The following TCEANC2 variants were observed in gnomAD, a reference collection of about 807,000 sequenced individuals.
TCEANC2 encodes the protein transcription elongation factor A N-terminal and central domain containing 2.
In TCEANC2, 20 loss-of-function variants were observed where a neutral mutation model predicts 22.8. The ratio of observed to expected loss-of-function variants is 0.88; its 90% CI spans 0.62 to 1.28. The LOEUF (loss-of-function observed/expected upper bound fraction) is 1.28, where lower values mean the gene tolerates loss of function less well. Ranked by LOEUF, TCEANC2 falls within the 50% of genes most tolerant of loss-of-function variation. The pLI is 0.00. For missense variants in TCEANC2, 251 were observed against 249.7 expected, an observed-to-expected ratio of 1.01 and a Z score of -0.03; for synonymous variants, 84 against 95.5, an observed-to-expected ratio of 0.88 and a Z score of 0.70.
chr1:54,065,155 A>G (rs764180804), intron 2 of TCEANC2, among the ~76,000 whole-genome samples: 4 of 152,342 alleles, frequency 2.6e-5, no homozygotes, highest in Middle Eastern at 3.4e-3. Flanking sequence ...GAGAAGAAGA[A>G]AAACAGAACT....
chr1:54,073,331 C>T (rs1354349699), intron 3 of TCEANC2, among the ~76,000 whole-genome samples: 1 of 152,212 alleles, frequency 6.6e-6, no homozygotes, highest in Non-Finnish European at 1.5e-5. Context: ...AGGGGATTAA[C>T]TTCTTTTGTT....
At chr1:54,080,206 C>T (rs1399556433) in intron 3 of TCEANC2, among the ~76,000 whole-genome samples, 1 of 148,990 alleles carries the variant, frequency 6.7e-6, no homozygotes, top group Non-Finnish European at 1.5e-5. Flanking sequence ...TCCGGTGGTG[C>T]GATCTTGGCG....
At position 54,066,106 on chromosome 1, in the gene TCEANC2, G is replaced by A. The variant is rs537661267; in HGVS notation, c.103-2650G>A. 5.3e-5 allele frequency among the ~76,000 whole-genome samples: 8 copies of A among 152,118 alleles called. No homozygotes were observed. The South Asian group carries it at 1.7e-3, about 32-fold the overall frequency. On this transcript the variant is annotated intron_variant, in intron 2 of 4. Coordinates refer to ENST00000234827, the MANE Select transcript of TCEANC2 (RefSeq NM_153035.3). ...TCAGAAACAACAACAACAAAAATTA[G>A]CCAGGCGTGGTGGCATGCGCCTGTA...
chr1:54,078,579 A>AGG (rs1158921866), intron 3 of TCEANC2, among the ~76,000 whole-genome samples: 1 of 152,184 alleles, frequency 6.6e-6, no homozygotes, highest in Non-Finnish European at 1.5e-5. Context: ...TAATGTCCCT[A>AGG]GAGTTTTGTT....
At chr1:54,095,574 A>AG (rs1366612769) in intron 4 of TCEANC2, among the ~76,000 whole-genome samples, 2 of 152,230 alleles carry the variant, frequency 1.3e-5, no homozygotes, top group Non-Finnish European at 1.5e-5. Context: ...GGCCTGAGCC[A>AG]GACCACCCCA....
intron 2 of TCEANC2, among the ~76,000 whole-genome samples, chr1:54,066,031 C>T (rs1014358967): frequency 1.3e-5 from 2 of 148,706 alleles, no homozygotes; most frequent in African/African-American, 2.5e-5. Context: ...TGCAGTGAGC[C>T]GAGATTGTGC....
In TCEANC2 at chr1:54,097,766, A is replaced by T. The variant is rs1176702765; in HGVS notation, c.*1293A>T. On this transcript the variant is annotated 3_prime_UTR_variant, in exon 5 of 5. Transcript: ENST00000234827. ...AGCATCCATTCTGTGGGGTAGGTGT[A>T]TACTGAGCAGTAGTTACAAATGGGA... 5 of 152,172 alleles carry T rather than the reference A, an allele frequency of 3.3e-5. No homozygotes were observed. The highest frequency in any genetic ancestry group is 1.2e-4 in the African/African-American group (5 of 41,406). 9.4% of individuals were successfully genotyped at this position (152,172 alleles called of 1,614,324 possible).
chr1:54,106,420 T>C (rs1297416408), downstream of TCEANC2, among the ~76,000 whole-genome samples: 1 of 152,204 alleles, frequency 6.6e-6, no homozygotes, highest in Non-Finnish European at 1.5e-5. Context: ...ATTTTAATAA[T>C]ATATTTTGAG....
At chr1:54,062,351 C>T (rs573121718) in intron 2 of TCEANC2, among the ~76,000 whole-genome samples, 35 of 152,174 alleles carry the variant, frequency 2.3e-4, no homozygotes, top group Admixed American at 2.2e-3. Context: ...ATTTTCTGGC[C>T]CATAGTTAGA....
downstream of TCEANC2, among the ~76,000 whole-genome samples, chr1:54,107,572 G>T (rs572539208): frequency 2.6e-5 from 4 of 152,124 alleles, no homozygotes; most frequent in South Asian, 6.2e-4. Flanking sequence ...AATTTGGAAG[G>T]CTTCTTTAAG....
At position 54,097,533 on chromosome 1, in the gene TCEANC2, T is replaced by C. The variant is rs1323106700; in HGVS notation, c.*1060T>C. The stretch of plus-strand genomic sequence containing the variant: ...AAAATCCAAAAAAAAGGAAGATGAG[T>C]TGAAAAGCAAGGGGAGAAGGGACGG... On this transcript the variant is annotated 3_prime_UTR_variant, in exon 5 of 5. Transcript: ENST00000234827. 1.3e-5 allele frequency: 2 copies of C among 152,036 alleles called. No individual in the cohort carries two copies. The allele number at this position is 152,036 out of a possible 1,614,324, so 9.4% of individuals were successfully genotyped here.
Position 54,096,301 on chromosome 1 carries a change from T to A in TCEANC2, c.455T>A (p.Val152Asp). ...GTTTTTTAGATGGATCACCTACTGG[T>A]TGAAAATATTGAACGGGAAACGTTT... ...ALELKMDHLL[V>D]ENIERETFHL... is the part of the protein sequence containing the mutation. The change falls in exon 5 of 5, where the codon GTT (valine) becomes GAT (aspartate). Residue 152 changes from valine to aspartate, a missense_variant. Coordinates refer to ENST00000234827, the MANE Select transcript of TCEANC2 (RefSeq NM_153035.3). The surrounding 1 kb of genome is among the most constrained non-coding windows in gnomAD (Gnocchi z 4.9). 6.3e-7 allele frequency: 1 copy of A among 1,596,634 alleles called. No homozygotes were observed. Among genetic ancestry groups the A allele is most frequent in the Non-Finnish European group, 8.6e-7 (1 of 1,165,376 alleles).
chr1:54,086,444 G>A (rs1370349608), intron 3 of TCEANC2, among the ~76,000 whole-genome samples: 1 of 152,224 alleles, frequency 6.6e-6, no homozygotes, highest in African/African-American at 2.4e-5. Context: ...ACCCTTAAAT[G>A]AGTCTTAAAG....
At chr1:54,054,968 T>C (rs940141227) in intron 2 of TCEANC2, among the ~76,000 whole-genome samples, 1 of 152,152 alleles carries the variant, frequency 6.6e-6, no homozygotes, top group Non-Finnish European at 1.5e-5. Flanking sequence ...GCTGTTTTTT[T>C]GTTGTCGTTG....
intron 4 of TCEANC2, among the ~76,000 whole-genome samples, chr1:54,092,111 T>A (rs1658457851): frequency 6.6e-6 from 1 of 152,218 alleles, no homozygotes; most frequent in Admixed American, 6.5e-5. Flanking sequence ...TGGGTAGATA[T>A]GTACAAATTC....
chr1:54,087,089 A>T (rs545107111), intron 3 of TCEANC2, among the ~76,000 whole-genome samples: 1 of 152,358 alleles, frequency 6.6e-6, no homozygotes, highest in African/African-American at 2.4e-5. Context: ...ATTGGTTTTT[A>T]AAAATATATC....
At chr1:54,055,940 T>A (rs1390779371) in intron 2 of TCEANC2, among the ~76,000 whole-genome samples, 1 of 152,252 alleles carries the variant, frequency 6.6e-6, no homozygotes, top group Non-Finnish European at 1.5e-5. Context: ...TTCTTCATTA[T>A]TTGGAGCTGC....
chr1:54,093,628 C>T (rs1658488155), intron 4 of TCEANC2, among the ~76,000 whole-genome samples: 1 of 152,152 alleles, frequency 6.6e-6, no homozygotes, highest in East Asian at 1.9e-4. Flanking sequence ...GCAGGGTTCA[C>T]ATCCTTTCTG....
chr1:54,082,904 T>C (rs1658273105), intron 3 of TCEANC2, among the ~76,000 whole-genome samples: 1 of 152,054 alleles, frequency 6.6e-6, no homozygotes, highest in Admixed American at 6.6e-5. Flanking sequence ...AGAGGATGAA[T>C]TGGAGAGGGC....
Sources: allele counts gnomAD v4.1 joint callset (sites outside exome capture counted in the v4.1 genomes callset), GRCh38; gene constraint gnomAD v4.1.1; non-coding constraint Gnocchi (gnomAD v3.1); transcripts MANE v1.5; gene names NCBI Gene and HGNC (gene_info 2026-07-23, HGNC 2026-07-21).